The following SLC6A5 variants were observed in gnomAD, a reference collection of about 807,000 sequenced individuals.
The protein encoded by SLC6A5 is sodium- and chloride-dependent glycine transporter 2.
SLC6A5 carries 58 observed loss-of-function variants against 90.5 expected under a neutral mutation model. The ratio of observed to expected loss-of-function variants is 0.64; its 90% CI spans 0.52 to 0.80. SLC6A5 has a LOEUF of 0.80. Among genes scored for constraint, SLC6A5 ranks in the 30% least tolerant of loss-of-function variants. The probability of loss-of-function intolerance (pLI) is 0.00; values close to 1 mark genes in which losing one functional copy is unlikely to be tolerated. For missense variants in SLC6A5, 1,015 were observed against 1,017.6 expected (o/e 1.00, Z 0.03); for synonymous variants, 427 against 401.4 (o/e 1.06, Z -0.76).
intron 5 of SLC6A5, among the ~76,000 whole-genome samples, chr11:20,614,430 A>G (rs1207731668): frequency 6.6e-6 from 1 of 152,186 alleles, no homozygotes; most frequent in Non-Finnish European, 1.5e-5. Context: ...CCACATAGAG[A>G]GTGTTCTGTA....
At chr11:20,631,541 A>T (rs1853110098) in intron 10 of SLC6A5, among the ~76,000 whole-genome samples, 1 of 152,218 alleles carries the variant, frequency 6.6e-6, no homozygotes, top group South Asian at 2.1e-4. Flanking sequence ...GAAAGCATTC[A>T]AGATTTTAGT....
intron 7 of SLC6A5, 83 bp downstream of exon 7, chr11:20,617,967 A>C (rs1213220254): frequency 7.2e-7 from 1 of 1,389,348 alleles, no homozygotes; most frequent in Non-Finnish European, 1.0e-6. Flanking sequence ...CACTGGAAAG[A>C]GAGTCAGGAG....
At chr11:20,634,556 A>G (rs11025669) in intron 10 of SLC6A5, among the ~76,000 whole-genome samples, 48,112 of 152,104 alleles carry the variant, frequency 0.32, 7,782 homozygotes, top group Middle Eastern at 0.37. Flanking sequence ...TACGGGCCTG[A>G]CTGTCGCCAG....
intron 9 of SLC6A5, among the ~76,000 whole-genome samples, chr11:20,628,584 G>A (rs1283942867): frequency 8.5e-5 from 13 of 152,180 alleles, no homozygotes; most frequent in Non-Finnish European, 4.4e-5. Flanking sequence ...TGAGATGCTA[G>A]TGATTAGGAT....
rs984641961 is a variant in SLC6A5, at chr11:20,656,076, G to C, written c.*1208G>C. The C allele has an allele frequency of 6.6e-6, 1 of 152,200 alleles. No homozygotes were observed. The highest frequency in any genetic ancestry group is 1.9e-4 in the East Asian group (1 of 5,200). 9.4% of individuals were successfully genotyped at this position (152,200 alleles called of 1,614,324 possible). A position where few individuals can be genotyped will look rare whatever the true frequency, so the allele number is the denominator to read the frequency against. On this transcript the variant is annotated 3_prime_UTR_variant, in exon 16 of 16. Transcript: ENST00000525748. ...CTACATTTAGCCAATTCAATTTTAA[G>C]AGTTCCCTATTCACAGTACTCATTT...
At chr11:20,607,261 T>G in intron 4 of SLC6A5, 123 bp downstream of exon 4, 1 of 1,376,346 alleles carries the variant, frequency 7.3e-7, no homozygotes, top group Non-Finnish European at 1.0e-6. Context: ...TTCCTTCCTT[T>G]ATTTGATCCT....
chr11:20,637,833 T>G (rs1853239225), intron 12 of SLC6A5, among the ~76,000 whole-genome samples: 2 of 152,236 alleles, frequency 1.3e-5, no homozygotes, highest in African/African-American at 2.4e-5. Flanking sequence ...CAACAGCCAC[T>G]GCAGTTTCTT....
intron 5 of SLC6A5, among the ~76,000 whole-genome samples, chr11:20,609,771 A>AG (rs936580254): frequency 4.6e-5 from 7 of 152,332 alleles, no homozygotes; most frequent in Admixed American, 1.3e-4. Context: ...CAGTGCTGCA[A>AG]GGGACACATT....
In SLC6A5 at chr11:20,617,689, T is replaced by A; in HGVS notation, c.1128-63T>A. On this transcript the variant is annotated intron_variant, in intron 6 of 15. Transcript: ENST00000525748. Reference sequence around the variant, plus strand: ...GCTCTACTGGAGGCTTAAAGCCTACTGCCTGTCACCTCCCTCTCTCCTTCT... The same window carrying A: ...GCTCTACTGGAGGCTTAAAGCCTACAGCCTGTCACCTCCCTCTCTCCTTCT... The A allele has an allele frequency of 2.0e-6, 3 of 1,484,964 alleles. No individual in the cohort carries two copies. In the South Asian group the frequency reaches 3.4e-5, roughly 17 times the overall value. 92.0% of individuals were successfully genotyped at this position (1,484,964 alleles called of 1,614,324 possible). A position where few individuals can be genotyped will look rare whatever the true frequency, so the allele number is the denominator to read the frequency against.
At chr11:20,640,460 G>T (rs1312021415) in intron 13 of SLC6A5, among the ~76,000 whole-genome samples, 1 of 152,148 alleles carries the variant, frequency 6.6e-6, no homozygotes, top group Non-Finnish European at 1.5e-5. Context: ...AATCCTGAGT[G>T]CTTTAGTCCC....
intron 14 of SLC6A5, 91 bp from the exon 15 acceptor site, chr11:20,652,198 G>A (rs1272906387): frequency 1.7e-6 from 2 of 1,171,216 alleles, no homozygotes; most frequent in South Asian, 2.4e-5. Flanking sequence ...AGAGACGAAA[G>A]CATCAAACTC....
intron 5 of SLC6A5, among the ~76,000 whole-genome samples, chr11:20,611,655 CTT>C (rs926782616): frequency 1.3e-5 from 2 of 152,038 alleles, no homozygotes; most frequent in African/African-American, 4.8e-5. Flanking sequence ...GATTAAACCT[CTT>C]TCTCTGCTGC....
chr11:20,639,825 G>C (rs1239273318), intron 13 of SLC6A5, among the ~76,000 whole-genome samples: 2 of 152,204 alleles, frequency 1.3e-5, no homozygotes, highest in Non-Finnish European at 2.9e-5. Context: ...TCTCAGACTA[G>C]AGATCACATC....
At chr11:20,628,353 G>A (rs1372884546) in intron 9 of SLC6A5, among the ~76,000 whole-genome samples, 3 of 152,232 alleles carry the variant, frequency 2.0e-5, no homozygotes, top group African/African-American at 7.2e-5. Flanking sequence ...TCACTGTGCA[G>A]TTGGCTGTGT....
At chr11:20,627,047 A>G (rs777916229) in intron 8 of SLC6A5, among the ~76,000 whole-genome samples, 1 of 152,184 alleles carries the variant, frequency 6.6e-6, no homozygotes, top group Non-Finnish European at 1.5e-5. Context: ...TAGTTGTCCT[A>G]CATCTGGGGT....
chr11:20,648,079 G>A (rs1380334542), intron 14 of SLC6A5, among the ~76,000 whole-genome samples: 3 of 152,180 alleles, frequency 2.0e-5, no homozygotes, highest in Non-Finnish European at 2.9e-5. Flanking sequence ...GCAATTGACA[G>A]AGATCCTTCC....
In SLC6A5 at chr11:20,654,780, G is replaced by T. The variant is rs75450512; in HGVS notation, c.2306G>T (p.Arg769Leu). ...TTCTTAGCTCAACACCGCGGGGAGC[G>T]TTACAAGAACATGATCGACCCCTTG... ...GPFLAQHRGE[R>L]YKNMIDPLGT... The change falls in exon 16 of 16, where the codon CGT becomes CTT. Residue 769 changes from arginine (R) to leucine (L), a missense_variant. By Grantham distance (102) the Arg-to-Leu change is moderately radical. Transcript: ENST00000525748. The T allele has an allele frequency of 4.3e-6, 7 of 1,614,062 alleles. No individual in the cohort carries two copies. The highest frequency in any genetic ancestry group is 5.1e-6 in the Non-Finnish European group (6 of 1,179,998).
In SLC6A5 at chr11:20,601,221, C is replaced by T. The variant is rs886048107; in HGVS notation, c.96C>T (p.Pro32=). 19 of 1,582,626 alleles carry T rather than the reference C, an allele frequency of 1.2e-5. No homozygotes were observed. Among genetic ancestry groups the T allele is most frequent in the African/African-American group, 5.3e-5 (4 of 74,810 alleles). ...GCCACCCGGATGGCCCATGCGCTCCCAGGACGAGCCCGGAGCAGGAGCTTC... is the reference window on the plus strand; with the variant it reads ...GCCACCCGGATGGCCCATGCGCTCCTAGGACGAGCCCGGAGCAGGAGCTTC... The part of the protein sequence containing the change: ...AQGHPDGPCA[P]RTSPEQELPA... The change falls in exon 2 of 16, where the codon CCC becomes CCT. Residue 32 remains proline (P), a synonymous_variant. Transcript: ENST00000525748.
chr11:20,609,850 G>A (rs947896157), intron 5 of SLC6A5, among the ~76,000 whole-genome samples: 1 of 152,202 alleles, frequency 6.6e-6, no homozygotes, highest in Non-Finnish European at 1.5e-5. Flanking sequence ...TGGGTGGGGA[G>A]AGGCAGCGTT....
Sources: gnomAD v4.1 joint callset for allele counts (sites outside exome capture counted in the v4.1 genomes callset) on GRCh38, gnomAD v4.1.1 for gene constraint, MANE v1.5 for transcripts, NCBI Gene and HGNC (gene_info 2026-07-23, HGNC 2026-07-21) for gene names.